The following TSHZ2 variants were observed in gnomAD, a reference collection of about 807,000 sequenced individuals.
The protein encoded by TSHZ2 is teashirt homolog 2.
Under a neutral mutation model 74.4 loss-of-function variants are expected in TSHZ2, and 21 were observed. That is an observed-to-expected ratio of 0.28 (90% CI 0.20 to 0.41). The LOEUF (loss-of-function observed/expected upper bound fraction) is 0.41, where lower values mean the gene tolerates loss of function less well. Ranked by LOEUF, TSHZ2 falls within the 10% of genes least tolerant of loss-of-function variation. The pLI is 1.00. For missense variants in TSHZ2, 1,244 were observed against 1,293.5 expected (o/e 0.96, Z 0.59); for synonymous variants, 540 against 515.3 (o/e 1.05, Z -0.65).
At position 53,253,566 on chromosome 20, in the gene TSHZ2, C is replaced by T. The variant is rs752591081; in HGVS notation, c.108C>T (p.Ser36=). The T allele has an allele frequency of 1.6e-5, 26 of 1,613,648 alleles. No individual in the cohort carries two copies. Among genetic ancestry groups the T allele is most frequent in the Admixed American group, 1.3e-4 (8 of 59,938 alleles). Residue 36 remains serine, a synonymous_variant, in exon 2 of 3, where the codon AGC becomes AGT. Coordinates refer to ENST00000371497, the MANE Select transcript of TSHZ2 (RefSeq NM_173485.6). ...AAGAAGAGGAGGAGGAGGAGGACAG[C>T]GGTTCAGTAGCTCAACTGCAGGGTG... is the stretch of plus-strand genomic sequence containing the variant. ...EIKEEEEEED[S]GSVAQLQGGN...
At chr20:52,987,585 A>G (rs1981822046) in intron 1 of TSHZ2, among the ~76,000 whole-genome samples, 1 of 150,790 alleles carries the variant, frequency 6.6e-6, no homozygotes, top group South Asian at 2.1e-4. Flanking sequence ...ATATTTTAAA[A>G]GTTGTTTCAA....
At chr20:52,997,915 TGCAG>T (rs1382698894) in intron 1 of TSHZ2, among the ~76,000 whole-genome samples, 4 of 152,230 alleles carry the variant, frequency 2.6e-5, no homozygotes, top group African/African-American at 9.6e-5. Context: ...AAGTATGGCC[TGCAG>T]GCCAACAGCC....
chr20:53,061,335 G>A (rs1007525380), intron 1 of TSHZ2, among the ~76,000 whole-genome samples: 1 of 152,120 alleles, frequency 6.6e-6, no homozygotes, highest in South Asian at 2.1e-4. Flanking sequence ...CCATTGTAGG[G>A]GCTCAACATA....
chr20:53,185,414 C>T, intron 1 of TSHZ2: 1 of 1,292,260 alleles, frequency 7.7e-7, no homozygotes, highest in Non-Finnish European at 9.9e-7. Flanking sequence ...GTGGTTCAAG[C>T]CTGTGATTCC....
chr20:53,152,596 GATTTAACTGTTGTC>G (rs1306003068), intron 1 of TSHZ2, among the ~76,000 whole-genome samples: 1 of 152,178 alleles, frequency 6.6e-6, no homozygotes, highest in Non-Finnish European at 1.5e-5. Flanking sequence ...AGTCTCACAA[GATTTAACTGTTGTC>G]ATTTATTAAC....
chr20:53,204,757 T>G (rs1463790610), intron 1 of TSHZ2, among the ~76,000 whole-genome samples: 1 of 152,078 alleles, frequency 6.6e-6, no homozygotes, highest in African/African-American at 2.4e-5. Flanking sequence ...GGTCCCCATT[T>G]TATAGATGTG....
intron 1 of TSHZ2, among the ~76,000 whole-genome samples, chr20:53,147,603 A>G (rs563942525): frequency 6.6e-6 from 1 of 152,336 alleles, no homozygotes; most frequent in Admixed American, 6.5e-5. Context: ...TCACTGTGGT[A>G]TTAATGTGAT....
intron 2 of TSHZ2, among the ~76,000 whole-genome samples, chr20:53,270,976 C>T (rs1213374372): frequency 6.6e-6 from 1 of 152,176 alleles, no homozygotes; most frequent in Admixed American, 6.5e-5. Flanking sequence ...GTTAGACTCT[C>T]CCGTGAGCAG....
At chr20:53,200,636 G>T (rs1287188162) in intron 1 of TSHZ2, among the ~76,000 whole-genome samples, 1 of 151,684 alleles carries the variant, frequency 6.6e-6, no homozygotes, top group South Asian at 2.1e-4. Context: ...CGTTTTTGGG[G>T]ATTTGGGGGA....
chr20:53,219,973 G>A (rs1020909705), intron 1 of TSHZ2, among the ~76,000 whole-genome samples: 2 of 152,146 alleles, frequency 1.3e-5, no homozygotes, highest in Non-Finnish European at 2.9e-5. Flanking sequence ...AGGGATACTC[G>A]AAAAACAGAG....
chr20:53,130,480 G>A (rs575481339), intron 1 of TSHZ2, among the ~76,000 whole-genome samples: 53 of 152,174 alleles, frequency 3.5e-4, no homozygotes, highest in Non-Finnish European at 2.2e-4. Context: ...CAAAAAGTTC[G>A]CCAGGTGTGG....
At chr20:53,101,738 TTCA>T (rs1235700873) in intron 1 of TSHZ2, among the ~76,000 whole-genome samples, 1 of 152,194 alleles carries the variant, frequency 6.6e-6, no homozygotes, top group Non-Finnish European at 1.5e-5. Context: ...AGCTGAAAAG[TTCA>T]TCATCAATTT....
At chr20:52,975,074 G>A (rs1157432821) in intron 1 of TSHZ2, among the ~76,000 whole-genome samples, 1 of 152,100 alleles carries the variant, frequency 6.6e-6, no homozygotes, top group Non-Finnish European at 1.5e-5. Context: ...CAATCTGACA[G>A]CGTGTGGATG....
chr20:52,984,014 A>C (rs1981663370), intron 1 of TSHZ2, among the ~76,000 whole-genome samples: 1 of 152,228 alleles, frequency 6.6e-6, no homozygotes, highest in Non-Finnish European at 1.5e-5. Context: ...CGCCTTCTTC[A>C]CTTTTTAATT....
chr20:53,409,604 A>G (rs1982973612), intron 2 of TSHZ2, among the ~76,000 whole-genome samples: 1 of 152,218 alleles, frequency 6.6e-6, no homozygotes, highest in Non-Finnish European at 1.5e-5. Context: ...TTGTTTGATA[A>G]AAGAAATATT....
At chr20:53,090,977 T>G (rs1309813643) in intron 1 of TSHZ2, among the ~76,000 whole-genome samples, 1 of 152,246 alleles carries the variant, frequency 6.6e-6, no homozygotes, top group Non-Finnish European at 1.5e-5. Context: ...AGATAAAATG[T>G]TTACATGTAT....
intron 1 of TSHZ2, among the ~76,000 whole-genome samples, chr20:53,229,767 A>C (rs1034053788): frequency 6.6e-6 from 1 of 151,096 alleles, no homozygotes; most frequent in African/African-American, 2.4e-5. Flanking sequence ...AAGGAGGGGG[A>C]AAGGAGGGAG....
intron 2 of TSHZ2, among the ~76,000 whole-genome samples, chr20:53,293,580 C>G (rs1568855744): frequency 6.6e-6 from 1 of 151,764 alleles, no homozygotes; most frequent in African/African-American, 2.4e-5. Flanking sequence ...GGCATGGACA[C>G]TTTGAGAAGG....
chr20:53,092,374 A>T (rs938293776), intron 1 of TSHZ2, among the ~76,000 whole-genome samples: 4 of 152,056 alleles, frequency 2.6e-5, no homozygotes, highest in African/African-American at 9.7e-5. Context: ...TAGCCACCAG[A>T]TGATGTTTTA....
Sources: allele counts gnomAD v4.1 joint callset (sites outside exome capture counted in the v4.1 genomes callset), GRCh38; gene constraint gnomAD v4.1.1; transcripts MANE v1.5; gene names NCBI Gene and HGNC (gene_info 2026-07-23, HGNC 2026-07-21).